The following FBXO45 variants were observed in gnomAD, a reference collection of about 807,000 sequenced individuals.
FBXO45 encodes F-box protein 45, also known as F-box/SPRY domain-containing protein 1.
A neutral mutation model predicts 25.5 loss-of-function variants in FBXO45; 3 were observed. The ratio of observed to expected loss-of-function variants is 0.12; its 90% CI spans 0.05 to 0.30. The LOEUF is 0.30. FBXO45 is among the 10% of genes least tolerant of loss of function. FBXO45 has a pLI of 1.00. For synonymous variants in FBXO45, 155 were observed against 149.8 expected, an observed-to-expected ratio of 1.03 and a Z score of -0.25; for missense variants, 219 against 365.0, an observed-to-expected ratio of 0.60 and a Z score of 3.26.
At chr3:196,576,590 A>C (rs985661793) in intron 1 of FBXO45, among the ~76,000 whole-genome samples, 3 of 152,212 alleles carry the variant, frequency 2.0e-5, no homozygotes, top group Non-Finnish European at 2.9e-5. Flanking sequence ...AAAATTGTTT[A>C]TGAGAAATTG....
intron 2 of FBXO45, 138 bp from the exon 3 acceptor site, chr3:196,583,995 A>G: frequency 1.3e-6 from 1 of 790,456 alleles, no homozygotes; most frequent in Non-Finnish European, 2.0e-6. Context: ...CTTCCTGACT[A>G]GAAAGCTTCC....
In FBXO45 at chr3:196,569,486, T is replaced by C. The variant is rs1204111787; in HGVS notation, c.318+184T>C. Among the ~76,000 whole-genome samples the C allele has an allele frequency of 1.3e-5, 2 of 152,228 alleles. No homozygotes were observed. The highest frequency in any genetic ancestry group is 2.9e-5 in the Non-Finnish European group (2 of 68,034). On this transcript the variant is annotated intron_variant, in intron 1 of 2. Coordinates refer to ENST00000311630, the MANE Select transcript of FBXO45 (RefSeq NM_001105573.2). This position sits in a 1 kb window ranked among gnomAD's most constrained non-coding sequence, Gnocchi z 4.1. ...TTCTCTTTTCTTTGGATCGAAGTTC[T>C]GCTCCTTAACCCATCCCACTTCCGT...
chr3:196,571,487 A>G (rs1313471739), intron 1 of FBXO45, among the ~76,000 whole-genome samples: 1 of 152,144 alleles, frequency 6.6e-6, no homozygotes, highest in African/African-American at 2.4e-5. Flanking sequence ...CAGCCTCCCA[A>G]AGTGCTGGGG....
chr3:196,568,668 T>G lies in FBXO45; in HGVS notation c.-317T>G, dbSNP rs1471477583. On this transcript the variant is annotated 5_prime_UTR_variant, in exon 1 of 3. Transcript: ENST00000311630. ...GAACGAGCTGGGCGTGCGCCCTTGC[T>G]TCGTGCCCTCAACCCGCATGGCGGA... 1 of 152,318 alleles carries G rather than the reference T, an allele frequency of 6.6e-6. No individual in the cohort carries two copies. 9.4% of individuals were successfully genotyped at this position (152,318 alleles called of 1,614,324 possible).
rs544722067 is a variant in FBXO45 at position 196,573,491 on chromosome 3, G to A, written c.319-3962G>A. On this transcript the variant is annotated intron_variant, in intron 1 of 2. Coordinates refer to ENST00000311630, the MANE Select transcript of FBXO45 (RefSeq NM_001105573.2). ...CCATAGATGAGTTGGAGAGGGCAGC[G>A]GTTAGTGCCTATACCAGAGATACTT... Among the ~76,000 whole-genome samples the A allele has an allele frequency of 5.3e-5, 8 of 152,262 alleles. No homozygotes were observed. In the South Asian group the frequency reaches 1.0e-3, roughly 20 times the overall value.
rs33962634 is a variant in FBXO45 at position 196,581,223 on chromosome 3, CTTTTTTTTTTTTTTT to C, written c.676-2896_676-2882del. Among the ~76,000 whole-genome samples the C allele has an allele frequency of 9.4e-5, 6 of 63,676 alleles. No homozygotes were observed. In the East Asian group the frequency reaches 1.6e-3, roughly 17 times the overall value. The allele number at this position is 63,676 out of a possible 152,430, so 41.8% of individuals were successfully genotyped here. A position where few individuals can be genotyped will look rare whatever the true frequency, so the allele number is the denominator to read the frequency against. ...TAGAATTTCCTTTTTTTTCTTTTTC[CTTTTTTTTTTTTTTT>C]TTTTTTTTTTTTTGAGACAGTCTCA... is the stretch of plus-strand genomic sequence containing the variant. On this transcript the variant is annotated intron_variant, in intron 2 of 2. Coordinates refer to ENST00000311630, the MANE Select transcript of FBXO45 (RefSeq NM_001105573.2).
chr3:196,577,482 T>G lies in FBXO45; in HGVS notation c.348T>G (p.Thr116=). 1 of 1,610,568 alleles carries G rather than the reference T, an allele frequency of 6.2e-7. No homozygotes were observed. Among genetic ancestry groups the G allele is most frequent in the Non-Finnish European group, 8.5e-7 (1 of 1,176,966 alleles). Reference sequence around the variant, plus strand: ...GTGCTTTTCAACATGCCTTCAGCACTAATGACTGCTCCAGGAATGTCTACA... The same window carrying G: ...GTGCTTTTCAACATGCCTTCAGCACGAATGACTGCTCCAGGAATGTCTACA... ...KIRAFQHAFS[T]NDCSRNVYIK... is the part of the protein sequence containing the mutation. The change falls in exon 2 of 3, where the codon ACT becomes ACG. Residue 116 remains threonine, a synonymous_variant. Coordinates refer to ENST00000311630, the MANE Select transcript of FBXO45 (RefSeq NM_001105573.2).
chr3:196,569,042 G>T lies in FBXO45; in HGVS notation c.58G>T (p.Gly20Cys). The T allele has an allele frequency of 9.2e-6, 10 of 1,085,752 alleles. No individual in the cohort carries two copies. Among genetic ancestry groups the T allele is most frequent in the African/African-American group, 1.7e-5 (1 of 58,990 alleles). The allele number at this position is 1,085,752 out of a possible 1,614,324, so 67.3% of individuals were successfully genotyped here. A position where few individuals can be genotyped will look rare whatever the true frequency, so the allele number is the denominator to read the frequency against. Residue 20 changes from glycine (G) to cysteine (C), a missense_variant, in exon 1 of 3, where the codon GGC becomes TGC. This residue lies in a region of FBXO45 where 138 missense variants were observed against 157.3 expected (regional missense o/e 0.88). Coordinates refer to ENST00000311630, the MANE Select transcript of FBXO45 (RefSeq NM_001105573.2). This position sits in a 1 kb window ranked among gnomAD's most constrained non-coding sequence, Gnocchi z 4.1. ...AASGGAGCSGGGAGAGAGSGS... is the reference protein window; with the variant it reads ...AASGGAGCSGCGAGAGAGSGS... ...CTCGGGCGGCGCTGGCTGTAGCGGC[G>T]GCGGCGCGGGCGCGGGCGCGGGCTC...
intron 1 of FBXO45, among the ~76,000 whole-genome samples, chr3:196,574,055 C>T (rs1735873538): frequency 6.6e-6 from 1 of 151,714 alleles, no homozygotes; most frequent in Non-Finnish European, 1.5e-5. Flanking sequence ...CTGCCTCAGC[C>T]TCCCAAGTAG....
chr3:196,568,894 G>A lies in FBXO45; in HGVS notation c.-91G>A, dbSNP rs2108722505. Reference sequence around the variant, plus strand: ...CACTGACAGGGGCGGTGAGCGAGCCGCTCCGGTCTCCGGGCGAGGCTTGGC... The same window carrying A: ...CACTGACAGGGGCGGTGAGCGAGCCACTCCGGTCTCCGGGCGAGGCTTGGC... On this transcript the variant is annotated 5_prime_UTR_variant, in exon 1 of 3. Transcript: ENST00000311630. 2 of 934,608 alleles carry A rather than the reference G, an allele frequency of 2.1e-6. No homozygotes were observed. Among genetic ancestry groups the A allele is most frequent in the Non-Finnish European group, 2.6e-6 (2 of 783,132 alleles). 57.9% of individuals were successfully genotyped at this position (934,608 alleles called of 1,614,324 possible).
In FBXO45 at chr3:196,588,164, T is replaced by TCG. The variant is rs1736170245; in HGVS notation, c.*3846_*3847insCG. The TCG allele has an allele frequency of 1.3e-5, 2 of 151,846 alleles. No homozygotes were observed. The highest frequency in any genetic ancestry group is 2.4e-5 in the African/African-American group (1 of 41,324). 9.4% of individuals were successfully genotyped at this position (151,846 alleles called of 1,614,324 possible). A position where few individuals can be genotyped will look rare whatever the true frequency, so the allele number is the denominator to read the frequency against. On this transcript the variant is annotated 3_prime_UTR_variant, in exon 3 of 3. Coordinates refer to ENST00000311630, the MANE Select transcript of FBXO45 (RefSeq NM_001105573.2). This position sits in a 1 kb window ranked among gnomAD's most constrained non-coding sequence, Gnocchi z 4.2. ...CCAGGCTGGTCTCGAACTCCTGACC[T>TCG]TGTGATCCACCCACCTCAGCCTCCC...
intron 2 of FBXO45, among the ~76,000 whole-genome samples, chr3:196,579,034 G>C (rs955955451): frequency 9.2e-5 from 14 of 152,148 alleles, no homozygotes; most frequent in Non-Finnish European, 1.5e-4. Flanking sequence ...AGGCATCAGT[G>C]AGTTCTGCAG....
At chr3:196,576,447 C>CT (rs1242711751) in intron 1 of FBXO45, among the ~76,000 whole-genome samples, 1 of 152,158 alleles carries the variant, frequency 6.6e-6, no homozygotes, top group African/African-American at 2.4e-5. Flanking sequence ...ACTCGGAAGA[C>CT]TGAGATGGGA....
chr3:196,580,226 A>T (rs1477614441), intron 2 of FBXO45, among the ~76,000 whole-genome samples: 1 of 142,684 alleles, frequency 7.0e-6, no homozygotes, highest in Non-Finnish European at 1.5e-5. Context: ...TCCTTTTGAG[A>T]CAGAGTTTCA....
chr3:196,578,242 G>C (rs1267799214), intron 2 of FBXO45, among the ~76,000 whole-genome samples: 1 of 151,676 alleles, frequency 6.6e-6, no homozygotes, highest in Non-Finnish European at 1.5e-5. Context: ...TCACCATCTT[G>C]GCCAGGCTGG....
At chr3:196,583,230 G>A (rs112406444) in intron 2 of FBXO45, among the ~76,000 whole-genome samples, 1,779 of 152,206 alleles carry the variant, frequency 0.012, 39 homozygotes, top group African/African-American at 0.04. Flanking sequence ...TTGTACGGCC[G>A]GGCGCGATGG....
Position 196,569,129 on chromosome 3 carries a change from T to C in FBXO45, c.145T>C (p.Ser49Pro). The C allele has an allele frequency of 6.5e-7, 1 of 1,546,824 alleles. No individual in the cohort carries two copies. The change falls in exon 1 of 3, where the codon TCT becomes CCT. Residue 49 changes from serine to proline, a missense_variant. By Grantham distance (74) the Ser-to-Pro change is moderately conservative (BLOSUM62 -1). This residue lies in a region of FBXO45 where 138 missense variants were observed against 157.3 expected (regional missense o/e 0.88). Coordinates refer to ENST00000311630, the MANE Select transcript of FBXO45 (RefSeq NM_001105573.2). This position sits in a 1 kb window ranked among gnomAD's most constrained non-coding sequence, Gnocchi z 4.1. ...CAGCCGGGTGCTGGAGTTGGTGTTC[T>C]CTTACCTGGAGCTGTCCGAGCTGCG... ...LPSRVLELVF[S>P]YLELSELRSC...
intron 1 of FBXO45, among the ~76,000 whole-genome samples, chr3:196,576,618 G>C (rs958616978): frequency 6.6e-6 from 1 of 152,184 alleles, no homozygotes; most frequent in Non-Finnish European, 1.5e-5. Context: ...TTGTATAGAA[G>C]AGCTATTTTC....
chr3:196,588,703 CATGTAAGCCCA>C lies in FBXO45; in HGVS notation c.*4388_*4398del, dbSNP rs1455909723. 1 of 152,198 alleles carries C rather than the reference CATGTAAGCCCA, an allele frequency of 6.6e-6. No individual in the cohort carries two copies. The highest frequency in any genetic ancestry group is 6.5e-5 in the Admixed American group (1 of 15,282). 9.4% of individuals were successfully genotyped at this position (152,198 alleles called of 1,614,324 possible). A position where few individuals can be genotyped will look rare whatever the true frequency, so the allele number is the denominator to read the frequency against. On this transcript the variant is annotated 3_prime_UTR_variant, in exon 3 of 3. Coordinates refer to ENST00000311630, the MANE Select transcript of FBXO45 (RefSeq NM_001105573.2). The surrounding 1 kb of genome is among the most constrained non-coding windows in gnomAD (Gnocchi z 4.2). The stretch of plus-strand genomic sequence containing the variant: ...TAACGGACTCATCTTTGTGCCACAA[CATGTAAGCCCA>C]ATAGGCAGGTGCTCACATATTTGCT...
Sources: gnomAD v4.1 joint callset for allele counts (sites outside exome capture counted in the v4.1 genomes callset) on GRCh38, gnomAD v4.1.1 for gene constraint, gnomAD v4.1.1 regional missense constraint, Gnocchi (gnomAD v3.1) non-coding constraint, MANE v1.5 for transcripts, NCBI Gene and HGNC (gene_info 2026-07-23, HGNC 2026-07-21) for gene names.